Variants in ME3 observed in about 807,000 individuals in gnomAD.
ME3 encodes the protein NADP-dependent malic enzyme, mitochondrial.
In ME3, 48 loss-of-function variants were observed where a neutral mutation model predicts 68.9. The ratio of observed to expected loss-of-function variants is 0.70; its 90% CI spans 0.55 to 0.89. The LOEUF is 0.89. Among genes scored for constraint, ME3 ranks in the 40% least tolerant of loss-of-function variants. The probability of loss-of-function intolerance (pLI) is 0.00; values close to 1 mark genes in which losing one functional copy is unlikely to be tolerated. For missense variants in ME3, 675 were observed against 797.4 expected, an observed-to-expected ratio of 0.85 and a Z score of 1.85; for synonymous variants, 320 against 318.8, an observed-to-expected ratio of 1.00 and a Z score of -0.04.
intron 8 of ME3, among the ~76,000 whole-genome samples, chr11:86,460,326 C>T (rs954769208): frequency 6.6e-6 from 1 of 152,226 alleles, no homozygotes; most frequent in Non-Finnish European, 1.5e-5. Context: ...AGTGCTCGGG[C>T]TTCAGAGGCC....
intron 4 of ME3, among the ~76,000 whole-genome samples, chr11:86,542,725 ACT>A (rs1378005886): frequency 6.6e-5 from 10 of 152,220 alleles, no homozygotes; most frequent in Non-Finnish European, 1.3e-4. Context: ...GTTGGAAAAC[ACT>A]CTGCAGGATG....
chr11:86,672,507 T>C (rs1444015663), exon 1 of ME3: 7 of 151,928 alleles, frequency 4.6e-5, no homozygotes, highest in African/African-American at 1.7e-4. Flanking sequence ...TGGCTTCCCC[T>C]GAGGACGCGC....
intron 6 of ME3, among the ~76,000 whole-genome samples, chr11:86,491,095 T>A (rs1479174057): frequency 6.6e-6 from 1 of 152,226 alleles, no homozygotes; most frequent in East Asian, 1.9e-4. Flanking sequence ...AGTTCCCATA[T>A]GGATATGACG....
At chr11:86,497,611 A>G (rs1332689799) in intron 6 of ME3, among the ~76,000 whole-genome samples, 2 of 152,132 alleles carry the variant, frequency 1.3e-5, no homozygotes, top group African/African-American at 4.8e-5. Flanking sequence ...GCTAAAAAAC[A>G]CAGCCCAGTG....
rs1037801964 is a variant in ME3, at chr11:86,508,727, A to G, written c.543+65T>C. 3 of 1,436,684 alleles carry G rather than the reference A, an allele frequency of 2.1e-6. No homozygotes were observed. In the Admixed American group the frequency reaches 5.1e-5, roughly 24 times the overall value. 89.0% of individuals were successfully genotyped at this position (1,436,684 alleles called of 1,614,324 possible). On this transcript the variant is annotated intron_variant, in intron 5 of 14. Coordinates refer to ENST00000543262, the Ensembl canonical transcript of ME3. Reference sequence around the variant, plus strand: ...ATGGCTCATTTTATAGATGGAAATGACTCTGGTTTAGGCTGAAATGATTCA... The same window carrying G: ...ATGGCTCATTTTATAGATGGAAATGGCTCTGGTTTAGGCTGAAATGATTCA...
At chr11:86,597,952 T>A (rs1959814566) in intron 2 of ME3, among the ~76,000 whole-genome samples, 1 of 151,976 alleles carries the variant, frequency 6.6e-6, no homozygotes, top group Admixed American at 6.5e-5. Context: ...TTGAAAGAGT[T>A]ATCAGTAGGG....
chr11:86,445,675 A>G (rs901064732), intron 13 of ME3, among the ~76,000 whole-genome samples: 1 of 152,194 alleles, frequency 6.6e-6, no homozygotes, highest in Non-Finnish European at 1.5e-5. Flanking sequence ...AACTGTTATC[A>G]ATAACCATGA....
At chr11:86,548,597 A>T (rs890442133) in intron 4 of ME3, among the ~76,000 whole-genome samples, 1 of 152,192 alleles carries the variant, frequency 6.6e-6, no homozygotes, top group Non-Finnish European at 1.5e-5. Context: ...AATGAAAAGT[A>T]TGTGTTTTCA....
chr11:86,513,019 C>G (rs1179812117), intron 4 of ME3, among the ~76,000 whole-genome samples: 1 of 152,150 alleles, frequency 6.6e-6, no homozygotes, highest in Non-Finnish European at 1.5e-5. Flanking sequence ...GAGGAAGACT[C>G]TTAACAACTC....
rs180747997 is a variant in ME3 at position 86,638,527 on chromosome 11, C to A, written c.183+33235G>T. Among the ~76,000 whole-genome samples the A allele has an allele frequency of 1.1e-4, 16 of 152,226 alleles. No homozygotes were observed. In the East Asian group the frequency reaches 3.1e-3, roughly 29 times the overall value. ...TTTTGCTCAAAAAAGGACGAAAACTCATGTGAAGTGTAGGCTAAGGGTGGA... is the reference window on the plus strand; with the variant it reads ...TTTTGCTCAAAAAAGGACGAAAACTAATGTGAAGTGTAGGCTAAGGGTGGA... On this transcript the variant is annotated intron_variant, in intron 2 of 14. Coordinates refer to ENST00000543262, the Ensembl canonical transcript of ME3.
intron 2 of ME3, among the ~76,000 whole-genome samples, chr11:86,648,675 C>G (rs1164981806): frequency 6.6e-6 from 1 of 152,088 alleles, no homozygotes; most frequent in African/African-American, 2.4e-5. Flanking sequence ...CAAAGAAATA[C>G]AAACTACCAT....
At chr11:86,442,966 T>C in intron 13 of ME3, 47 bp from the exon 14 acceptor site, 2 of 1,511,996 alleles carry the variant, frequency 1.3e-6, no homozygotes. Flanking sequence ...GTCTCTGCCT[T>C]CCCAAAACAA....
rs565188228 is a variant in ME3 at position 86,466,763 on chromosome 11, G to A, written c.810-1563C>T. Reference sequence around the variant, plus strand: ...TCAAGGCTGTTGGTAGAAGGACTGGGAGATGGATTCACATTACAGGGGCAG... The same window carrying A: ...TCAAGGCTGTTGGTAGAAGGACTGGAAGATGGATTCACATTACAGGGGCAG... On this transcript the variant is annotated intron_variant, in intron 7 of 14. Coordinates refer to ENST00000543262, the Ensembl canonical transcript of ME3. 3.3e-5 allele frequency among the ~76,000 whole-genome samples: 5 copies of A among 152,346 alleles called. No homozygotes were observed. The South Asian group carries it at 1.0e-3, about 32-fold the overall frequency.
At chr11:86,462,721 G>T in intron 8 of ME3, 1 of 590,814 alleles carries the variant, frequency 1.7e-6, no homozygotes, top group Non-Finnish European at 2.9e-6. Flanking sequence ...GCCTCCAGAA[G>T]CTTATTATCT....
chr11:86,652,529 G>T (rs534740485), intron 2 of ME3, among the ~76,000 whole-genome samples: 30 of 152,084 alleles, frequency 2.0e-4, no homozygotes, highest in South Asian at 6.2e-4. Context: ...AAATACTTGA[G>T]AGACAAGCAA....
intron 2 of ME3, among the ~76,000 whole-genome samples, chr11:86,618,458 A>C (rs1001686504): frequency 6.6e-6 from 1 of 152,174 alleles, no homozygotes; most frequent in Non-Finnish European, 1.5e-5. Flanking sequence ...TGTCTGTGAA[A>C]AACGCCTTCC....
chr11:86,542,977 A>T (rs576234832), intron 4 of ME3, among the ~76,000 whole-genome samples: 1 of 152,372 alleles, frequency 6.6e-6, no homozygotes, highest in Admixed American at 6.5e-5. Flanking sequence ...CCTACATGCC[A>T]GAAGAGAATG....
intron 4 of ME3, among the ~76,000 whole-genome samples, chr11:86,555,314 T>A (rs1008046255): frequency 6.6e-6 from 1 of 152,174 alleles, no homozygotes; most frequent in South Asian, 2.1e-4. Context: ...GAAAGGATCA[T>A]TTCTGAGAAG....
chr11:86,529,126 G>A (rs942583889), intron 4 of ME3, among the ~76,000 whole-genome samples: 2 of 151,956 alleles, frequency 1.3e-5, no homozygotes, highest in Admixed American at 1.3e-4. Context: ...TAATAAAGAA[G>A]AAAAGAGAGA....
Sources: allele counts gnomAD v4.1 joint callset (sites outside exome capture counted in the v4.1 genomes callset), GRCh38; gene constraint gnomAD v4.1.1; transcripts MANE v1.5; gene names NCBI Gene and HGNC (gene_info 2026-07-23, HGNC 2026-07-21).